Variants in ANKRD29 observed in about 807,000 individuals in gnomAD.
The protein encoded by ANKRD29 is ankyrin repeat domain-containing protein 29.
In ANKRD29, 32 loss-of-function variants were observed where a neutral mutation model predicts 38.0. The ratio of observed to expected loss-of-function variants is 0.84; its 90% CI spans 0.64 to 1.13. ANKRD29 has a LOEUF of 1.13. ANKRD29 is among the 50% of genes most tolerant of loss of function. The pLI is 0.00. For missense variants in ANKRD29, 357 were observed against 377.9 expected (o/e 0.94, Z 0.46); for synonymous variants, 135 against 152.4 (o/e 0.89, Z 0.84).
At chr18:23,623,097 A>G (rs2059816327) in intron 6 of ANKRD29, among the ~76,000 whole-genome samples, 1 of 152,212 alleles carries the variant, frequency 6.6e-6, no homozygotes. Context: ...TGGCTCACAG[A>G]TGCTTAGGAA....
Position 23,624,466 on chromosome 18 carries a change from CAAAAAAAAAAAAAAAAAAAAA to C in ANKRD29, c.529-4858_529-4838del, listed in dbSNP as rs56005663. ...TGGGCGACAGAGTGAGACTCCATCTCAAAAAAAAAAAAAAAAAAAAAAAAAAAAAAAAAAGGTAATAGAACA... is the reference window on the plus strand; with the variant it reads ...TGGGCGACAGAGTGAGACTCCATCTCAAAAAAAAAAAAAGGTAATAGAACA... On this transcript the variant is annotated intron_variant, in intron 6 of 9. Coordinates refer to ENST00000592179, the MANE Select transcript of ANKRD29 (RefSeq NM_173505.4). Among the ~76,000 whole-genome samples the C allele has an allele frequency of 6.5e-4, 21 of 32,436 alleles. 1 individual carries two copies. Among genetic ancestry groups the C allele is most frequent in the Admixed American group, 4.1e-4 (1 of 2,452 alleles). The allele number at this position is 32,436 out of a possible 152,430, so 21.3% of individuals were successfully genotyped here.
chr18:23,623,844 C>T (rs2059826327), intron 6 of ANKRD29, among the ~76,000 whole-genome samples: 5 of 151,820 alleles, frequency 3.3e-5, no homozygotes, highest in South Asian at 4.2e-4. Flanking sequence ...GGGGTTTCAC[C>T]GTGTTAGGCA....
At chr18:23,644,010 A>C (rs902874659) in intron 3 of ANKRD29, among the ~76,000 whole-genome samples, 1 of 152,220 alleles carries the variant, frequency 6.6e-6, no homozygotes, top group African/African-American at 2.4e-5. Context: ...AGACTGACAC[A>C]GTCTCAGGAA....
intron 6 of ANKRD29, among the ~76,000 whole-genome samples, chr18:23,626,031 G>A (rs182160893): frequency 3.7e-4 from 57 of 152,236 alleles, no homozygotes; most frequent in African/African-American, 1.3e-3. Context: ...ATGTGCAAAC[G>A]AAACAAGACA....
chr18:23,620,619 C>T (rs1167012439), intron 6 of ANKRD29, among the ~76,000 whole-genome samples: 1 of 152,078 alleles, frequency 6.6e-6, no homozygotes, highest in Non-Finnish European at 1.5e-5. Context: ...GGAGAGGTAA[C>T]CTAGGTTGTG....
intron 9 of ANKRD29, among the ~76,000 whole-genome samples, chr18:23,610,433 G>A (rs769099032): frequency 2.0e-5 from 3 of 152,158 alleles, no homozygotes; most frequent in Admixed American, 6.5e-5. Flanking sequence ...AGCTGAGATC[G>A]TGCCACTGCA....
intron 6 of ANKRD29, among the ~76,000 whole-genome samples, chr18:23,625,207 TCTTATGATTGTCC>T (rs988378276): frequency 1.3e-5 from 2 of 152,176 alleles, no homozygotes; most frequent in African/African-American, 4.8e-5. Flanking sequence ...GGAGCCTATT[TCTTATGATTGTCC>T]CTTGCACCGT....
At chr18:23,622,607 C>T (rs1425924412) in intron 6 of ANKRD29, among the ~76,000 whole-genome samples, 4 of 152,118 alleles carry the variant, frequency 2.6e-5, no homozygotes, top group Middle Eastern at 3.2e-3. Context: ...TGCTCTGTTG[C>T]CCAGGCTGGA....
At chr18:23,624,828 C>T (rs1448372071) in intron 6 of ANKRD29, among the ~76,000 whole-genome samples, 1 of 152,214 alleles carries the variant, frequency 6.6e-6, no homozygotes, top group African/African-American at 2.4e-5. Flanking sequence ...TCCTCCAACT[C>T]TGTTATTCCC....
chr18:23,638,637 T>C (rs1425385671), intron 4 of ANKRD29, among the ~76,000 whole-genome samples: 2 of 152,312 alleles, frequency 1.3e-5, no homozygotes, highest in African/African-American at 2.4e-5. Context: ...AATTTTCCAA[T>C]TGTGAGCCCA....
chr18:23,616,578 G>A (rs977475422), intron 8 of ANKRD29, among the ~76,000 whole-genome samples: 1 of 133,036 alleles, frequency 7.5e-6, no homozygotes, highest in African/African-American at 2.8e-5. Context: ...TATATATACA[G>A]TATATATATA....
At chr18:23,640,269 G>A (rs970945449) in intron 3 of ANKRD29, among the ~76,000 whole-genome samples, 10 of 152,214 alleles carry the variant, frequency 6.6e-5, no homozygotes, top group East Asian at 1.9e-4. Flanking sequence ...GTGGCAGTGC[G>A]GCACAGCCCA....
intron 8 of ANKRD29, among the ~76,000 whole-genome samples, chr18:23,616,148 C>CATACTGTATGTATGTATACTCTACAT (rs2059713844): frequency 6.7e-6 from 1 of 149,150 alleles, no homozygotes; most frequent in Non-Finnish European, 1.5e-5. Context: ...ATACTCTACA[C>CATACTGTATGTATGTATACTCTACAT]ATACTGTATG....
chr18:23,635,490 A>G (rs1349427298), intron 4 of ANKRD29, among the ~76,000 whole-genome samples: 1 of 152,166 alleles, frequency 6.6e-6, no homozygotes, highest in East Asian at 1.9e-4. Context: ...CTCAGGTGCT[A>G]CAGCTAAGGC....
At position 23,616,604 on chromosome 18, in the gene ANKRD29, CTATA is replaced by C. The variant is rs1164175762; in HGVS notation, c.723+1124_723+1127del. The stretch of plus-strand genomic sequence containing the variant: ...TATATATATATATATACTATATATA[CTATA>C]TATATAGTGTATAGTAAATACATTC... On this transcript the variant is annotated intron_variant, in intron 8 of 9. Transcript: ENST00000592179. 9.3e-3 allele frequency among the ~76,000 whole-genome samples: 1,222 copies of C among 131,274 alleles called. 16 individuals are homozygous for C. The highest frequency in any genetic ancestry group is 0.05 in the East Asian group (177 of 3,514). 86.1% of individuals were successfully genotyped at this position (131,274 alleles called of 152,430 possible).
intron 9 of ANKRD29, among the ~76,000 whole-genome samples, chr18:23,608,266 C>T (rs985266567): frequency 2.0e-5 from 3 of 152,186 alleles, no homozygotes; most frequent in African/African-American, 7.2e-5. Flanking sequence ...GCTCCTTCTG[C>T]AGGAATCCCA....
At chr18:23,641,979 G>A (rs1178154595) in intron 3 of ANKRD29, among the ~76,000 whole-genome samples, 1 of 152,074 alleles carries the variant, frequency 6.6e-6, no homozygotes, top group Non-Finnish European at 1.5e-5. Context: ...CTGCGGAAAG[G>A]CGCTACCCAC....
intron 1 of ANKRD29, among the ~76,000 whole-genome samples, chr18:23,655,754 C>T (rs1172413195): frequency 6.6e-6 from 1 of 150,526 alleles, no homozygotes; most frequent in Non-Finnish European, 1.5e-5. Flanking sequence ...CGTGCCTGGC[C>T]TCCTTTTACT....
intron 9 of ANKRD29, among the ~76,000 whole-genome samples, chr18:23,605,547 GAC>G (rs2059564861): frequency 6.7e-6 from 1 of 149,804 alleles, no homozygotes; most frequent in South Asian, 2.1e-4. Flanking sequence ...TATTTTTTGA[GAC>G]AGAGTCTCGC....
Sources: gnomAD v4.1 joint callset for allele counts (sites outside exome capture counted in the v4.1 genomes callset) on GRCh38, gnomAD v4.1.1 for gene constraint, MANE v1.5 for transcripts, NCBI Gene and HGNC (gene_info 2026-07-23, HGNC 2026-07-21) for gene names.